The following SSBP4 variants were observed in gnomAD, a reference collection of about 807,000 sequenced individuals.
SSBP4 encodes single-stranded DNA-binding protein 4.
SSBP4 carries 33 observed loss-of-function variants against 64.6 expected under a neutral mutation model. The ratio of observed to expected loss-of-function variants is 0.51; its 90% CI spans 0.39 to 0.68. The LOEUF (loss-of-function observed/expected upper bound fraction) is 0.68. Among genes scored for constraint, SSBP4 ranks in the 30% least tolerant of loss-of-function variants. The probability of loss-of-function intolerance (pLI) is 0.00; values close to 1 mark genes in which losing one functional copy is unlikely to be tolerated. For synonymous variants in SSBP4, 243 were observed against 224.0 expected, an observed-to-expected ratio of 1.08 and a Z score of -0.76; for missense variants, 583 against 566.8, an observed-to-expected ratio of 1.03 and a Z score of -0.29.
In SSBP4 at chr19:18,431,885, C is replaced by G. The variant is rs766729279; in HGVS notation, c.565+23C>G. 7 of 1,566,996 alleles carry G rather than the reference C, an allele frequency of 4.5e-6. No individual in the cohort carries two copies. In the South Asian group the frequency reaches 5.8e-5, roughly 13 times the overall value. On this transcript the variant is annotated intron_variant, in intron 8 of 17. Coordinates refer to ENST00000270061, the MANE Select transcript of SSBP4 (RefSeq NM_032627.5). ...AGGGTGAGTAGGGAAGCTCCAGCCC[C>G]TATCCCGCCATCAATCAGAATTCCA...
At chr19:18,404,432 A>T in the SSBP4 span, among the ~76,000 whole-genome samples, 12 of 151,904 alleles carry the variant, frequency 7.9e-5, no homozygotes, top group East Asian at 2.1e-3. Flanking sequence ...CGCCTCTACT[A>T]AAAATACAAA....
chr19:18,432,628 G>A, intron 11 of SSBP4, 24 bp downstream of exon 11: 2 of 1,552,602 alleles, frequency 1.3e-6, no homozygotes, highest in Non-Finnish European at 1.7e-6. Flanking sequence ...TGGGTGGGCA[G>A]GCTTGGGGTG....
At chr19:18,431,445 A>T in intron 6 of SSBP4, 27 bp downstream of exon 6, 4 of 1,249,936 alleles carry the variant, frequency 3.2e-6, no homozygotes, top group Non-Finnish European at 4.5e-6. Context: ...CCTGCCCCTC[A>T]CACACACACA....
At chr19:18,409,510 C>T in the SSBP4 span, among the ~76,000 whole-genome samples, 1 of 151,900 alleles carries the variant, frequency 6.6e-6, no homozygotes, top group East Asian at 1.9e-4. Flanking sequence ...TATTATTTTA[C>T]TTTCTTAATA....
intron 4 of SSBP4, 134 bp from the exon 5 acceptor site, chr19:18,430,707 C>T (rs542138668): frequency 1.4e-6 from 1 of 698,210 alleles, no homozygotes; most frequent in East Asian, 3.0e-5. Context: ...GGCCGACAAC[C>T]CCAGTGTGCT....
chr19:18,427,249 G>A lies in SSBP4; in HGVS notation c.60-102G>A, dbSNP rs1323926262. On this transcript the variant is annotated intron_variant, in intron 1 of 17. Coordinates refer to ENST00000270061, the MANE Select transcript of SSBP4 (RefSeq NM_032627.5). This position sits in a 1 kb window ranked among gnomAD's most constrained non-coding sequence, Gnocchi z 4.4. ...AGCTGTCCCTGCTGAGCAGCTGGTG[G>A]GGAGGCCACCTTTCCACCCGCCCTC... 1.7e-6 allele frequency: 2 copies of A among 1,201,282 alleles called. No homozygotes were observed. Among genetic ancestry groups the A allele is most frequent in the African/African-American group, 3.0e-5 (2 of 67,036 alleles). The allele number at this position is 1,201,282 out of a possible 1,614,324, so 74.4% of individuals were successfully genotyped here. A position where few individuals can be genotyped will look rare whatever the true frequency, so the allele number is the denominator to read the frequency against.
rs763587898 is a variant in SSBP4, at chr19:18,432,204, G to A, written c.694G>A (p.Ala232Thr). The A allele has an allele frequency of 6.2e-7, 1 of 1,613,158 alleles. No homozygotes were observed. The highest frequency in any genetic ancestry group is 1.7e-5 in the Admixed American group (1 of 60,026). ...PNSLAGPGLP[A>T]MNMGPGVRGP... ...CTCCCTCGCCGGCCCAGGCCTGCCT[G>A]CCATGAACATGTAAGACCCTGGGGG... Residue 232 changes from alanine to threonine, a missense_variant, in exon 10 of 18, where the codon GCC (alanine) becomes ACC (threonine). This residue lies in a region of SSBP4 where 444 missense variants were observed against 386.6 expected (regional missense o/e 1.15). Coordinates refer to ENST00000270061, the MANE Select transcript of SSBP4 (RefSeq NM_032627.5).
chr19:18,432,307 A>C, intron 10 of SSBP4, 93 bp downstream of exon 10: 1 of 1,501,752 alleles, frequency 6.7e-7, no homozygotes, highest in Non-Finnish European at 9.1e-7. Flanking sequence ...AATCCTCAGG[A>C]CAGCCTTGGA....
Position 18,434,441 on chromosome 19 carries a change from A to G in SSBP4, c.*195A>G. 9 of 1,070,528 alleles carry G rather than the reference A, an allele frequency of 8.4e-6. No individual in the cohort carries two copies. Among genetic ancestry groups the G allele is most frequent in the South Asian group, 2.1e-5 (1 of 46,546 alleles). The allele number at this position is 1,070,528 out of a possible 1,614,324, so 66.3% of individuals were successfully genotyped here. Reference sequence around the variant, plus strand: ...GGACCTCAGAGACGTTCTTTTCTGTATGGACCCTTCCTGCCATTTGTATTT... The same window carrying G: ...GGACCTCAGAGACGTTCTTTTCTGTGTGGACCCTTCCTGCCATTTGTATTT... On this transcript the variant is annotated 3_prime_UTR_variant, in exon 18 of 18. Coordinates refer to ENST00000270061, the MANE Select transcript of SSBP4 (RefSeq NM_032627.5).
upstream of SSBP4, chr19:18,419,232 C>T: frequency 3.0e-6 from 3 of 988,726 alleles, no homozygotes; most frequent in Non-Finnish European, 3.6e-6. Context: ...GATCCTGACC[C>T]GCGAGTGTGT....
At chr19:18,418,925 T>A, upstream of SSBP4, 1 of 972,670 alleles carries the variant, frequency 1.0e-6, no homozygotes, top group Non-Finnish European at 1.2e-6. The surrounding 1 kb of genome is among the most constrained non-coding windows in gnomAD (Gnocchi z 6.7). Flanking sequence ...TGGCAGTGTA[T>A]GTGTGTCGCT....
Position 18,431,876 on chromosome 19 carries a change from C to T in SSBP4, c.565+14C>T. On this transcript the variant is annotated intron_variant, in intron 8 of 17. Coordinates refer to ENST00000270061, the MANE Select transcript of SSBP4 (RefSeq NM_032627.5). ...CACGAGCCCAGGGTGAGTAGGGAAG[C>T]TCCAGCCCCTATCCCGCCATCAATC... The T allele has an allele frequency of 6.4e-7, 1 of 1,567,994 alleles. No individual in the cohort carries two copies.
chr19:18,416,345 T>G (rs1380779381), upstream of SSBP4, among the ~76,000 whole-genome samples: 1 of 152,058 alleles, frequency 6.6e-6, no homozygotes, highest in Non-Finnish European at 1.5e-5. Flanking sequence ...AGAGTCTTGG[T>G]CTGTCGTCCA....
At chr19:18,417,838 C>G (rs1303928121), upstream of SSBP4, among the ~76,000 whole-genome samples, 1 of 151,866 alleles carries the variant, frequency 6.6e-6, no homozygotes, top group African/African-American at 2.4e-5. The surrounding 1 kb of genome is among the most constrained non-coding windows in gnomAD (Gnocchi z 5.4). Flanking sequence ...TCTGGAGCCC[C>G]GGCGGCTCCC....
chr19:18,433,558 G>T, intron 15 of SSBP4, 27 bp from the exon 16 acceptor site: 1 of 1,547,574 alleles, frequency 6.5e-7, no homozygotes, highest in East Asian at 2.5e-5. Flanking sequence ...CGTCTGAGCC[G>T]GTGCCCGTGT....
chr19:18,418,478 C>G (rs1211279938), upstream of SSBP4, among the ~76,000 whole-genome samples: 2 of 152,202 alleles, frequency 1.3e-5, no homozygotes, highest in Non-Finnish European at 2.9e-5. The surrounding 1 kb of genome is among the most constrained non-coding windows in gnomAD (Gnocchi z 6.7). Context: ...TGCCTGCACC[C>G]TGACTCCCGC....
In SSBP4 at chr19:18,433,182, G is replaced by A. The variant is rs1973604912; in HGVS notation, c.960G>A (p.Ala320=). 2 of 1,586,576 alleles carry A rather than the reference G, an allele frequency of 1.3e-6. No individual in the cohort carries two copies. Among genetic ancestry groups the A allele is most frequent in the South Asian group, 1.1e-5 (1 of 88,372 alleles). The change falls in exon 15 of 18, where the codon GCG becomes GCA. Residue 320 remains alanine (A), a synonymous_variant. Coordinates refer to ENST00000270061, the MANE Select transcript of SSBP4 (RefSeq NM_032627.5). ...AGGGCCCCATGGCCGCCATGAGCGC[G>A]ATGGAGCCTCACCACGTGAACGGAT... ...GPEGPMAAMS[A]MEPHHVNGSL...
chr19:18,409,648 T>C, the SSBP4 span, among the ~76,000 whole-genome samples: 3 of 152,162 alleles, frequency 2.0e-5, no homozygotes, highest in African/African-American at 7.2e-5. Context: ...CAGGCTGGGG[T>C]GCAGTGGCAC....
chr19:18,413,327 G>C, the SSBP4 span, among the ~76,000 whole-genome samples: 5 of 152,042 alleles, frequency 3.3e-5, no homozygotes, highest in Non-Finnish European at 7.4e-5. Context: ...TCCTGCCTCA[G>C]CCTCCTGAAT....
Sources: gnomAD v4.1 joint callset for allele counts (sites outside exome capture counted in the v4.1 genomes callset) on GRCh38, gnomAD v4.1.1 for gene constraint, gnomAD v4.1.1 regional missense constraint, Gnocchi (gnomAD v3.1) non-coding constraint, MANE v1.5 for transcripts, NCBI Gene and HGNC (gene_info 2026-07-23, HGNC 2026-07-21) for gene names.